Variants in VTI1A observed in about 807,000 individuals in gnomAD.
VTI1A encodes the protein vesicle transport through interaction with t-SNAREs homolog 1A.
Under a neutral mutation model 34.9 loss-of-function variants are expected in VTI1A, and 22 were observed. The ratio of observed to expected loss-of-function variants is 0.63; its 90% CI spans 0.45 to 0.90. The LOEUF is 0.90. Ranked by LOEUF, VTI1A falls within the 40% of genes least tolerant of loss-of-function variation. VTI1A has a pLI of 0.00. For synonymous variants in VTI1A, 87 were observed against 97.3 expected (o/e 0.89, Z 0.62); for missense variants, 268 against 275.6 (o/e 0.97, Z 0.20).
chr10:112,756,533 A>T (rs1851288513), intron 7 of VTI1A, among the ~76,000 whole-genome samples: 3 of 152,170 alleles, frequency 2.0e-5, no homozygotes, highest in African/African-American at 7.2e-5. Flanking sequence ...GTCTTTATTA[A>T]ACACCTACTA....
intron 4 of VTI1A, among the ~76,000 whole-genome samples, chr10:112,531,760 A>G (rs1236143057): frequency 6.6e-6 from 1 of 152,178 alleles, no homozygotes; most frequent in African/African-American, 2.4e-5. Context: ...CCCCAGAAAG[A>G]AAAGATCGCT....
At chr10:112,482,650 C>T (rs908184082) in intron 3 of VTI1A, among the ~76,000 whole-genome samples, 4 of 152,092 alleles carry the variant, frequency 2.6e-5, no homozygotes, top group Non-Finnish European at 5.9e-5. Flanking sequence ...AAAAGGCATT[C>T]TTTTTAACCC....
chr10:112,470,761 G>T (rs182419439), intron 3 of VTI1A, among the ~76,000 whole-genome samples: 2 of 151,930 alleles, frequency 1.3e-5, no homozygotes, highest in African/African-American at 4.8e-5. Flanking sequence ...GCATGGTGGC[G>T]CACACTTGTA....
At chr10:112,478,531 C>T (rs1448895245) in intron 3 of VTI1A, among the ~76,000 whole-genome samples, 2 of 152,120 alleles carry the variant, frequency 1.3e-5, no homozygotes, top group Admixed American at 6.5e-5. Context: ...TGCTTCAGAG[C>T]GCTAACTGTG....
intron 3 of VTI1A, among the ~76,000 whole-genome samples, chr10:112,526,664 G>A (rs1395190893): frequency 1.3e-5 from 2 of 151,754 alleles, no homozygotes; most frequent in African/African-American, 4.8e-5. Context: ...CTTTTAAAGT[G>A]CTAAATTGAA....
chr10:112,649,131 TG>T (rs1183706671), intron 5 of VTI1A, among the ~76,000 whole-genome samples: 6 of 152,020 alleles, frequency 3.9e-5, no homozygotes, highest in Non-Finnish European at 8.8e-5. Flanking sequence ...AGGAGTGCAC[TG>T]GGGTCAGGGC....
At chr10:112,452,669 A>G (rs370522879) in intron 1 of VTI1A, among the ~76,000 whole-genome samples, 2 of 148,508 alleles carry the variant, frequency 1.3e-5, no homozygotes, top group African/African-American at 2.5e-5. Context: ...ATAGATCTAT[A>G]TATCTGTATG....
At chr10:112,745,142 A>G (rs1439579285) in intron 7 of VTI1A, among the ~76,000 whole-genome samples, 1 of 151,788 alleles carries the variant, frequency 6.6e-6, no homozygotes, top group Admixed American at 6.6e-5. Flanking sequence ...ATCCCTGGCC[A>G]TTTCTTCACC....
In VTI1A at chr10:112,636,522, G is replaced by A. The variant is rs11196028; in HGVS notation, c.428-31696G>A. ...GGATGGATCACAAGGTCAAGAGATC[G>A]AGACCATCCTGGCCAACATGGTGAA... On this transcript the variant is annotated intron_variant, in intron 5 of 7. Coordinates refer to ENST00000393077, the MANE Select transcript of VTI1A (RefSeq NM_145206.4). 5.4e-3 allele frequency among the ~76,000 whole-genome samples: 824 copies of A among 151,872 alleles called. 1 individual carries two copies. The highest frequency in any genetic ancestry group is 7.6e-3 in the Non-Finnish European group (519 of 67,950).
chr10:112,561,000 T>C (rs1193764042), intron 5 of VTI1A, among the ~76,000 whole-genome samples: 1 of 152,224 alleles, frequency 6.6e-6, no homozygotes, highest in Non-Finnish European at 1.5e-5. Context: ...TGTGGTTTTA[T>C]GACATTTTAG....
Position 112,464,643 on chromosome 10 carries a change from C to G in VTI1A, c.250C>G (p.Leu84Val). Residue 84 changes from leucine to valine, a missense_variant, in exon 3 of 8, where the codon CTC becomes GTC. By Grantham distance (32) the Leu-to-Val change is conservative. Transcript: ENST00000393077. Reference protein sequence around the residue: ...MRSYKQEMGKLETDFKRSRIA... With the variant: ...MRSYKQEMGKVETDFKRSRIA... ...AAGCTACAAACAAGAAATGGGAAAACTCGAAACAGATTTTGTGAGTCAAAT... is the reference window on the plus strand; with the variant it reads ...AAGCTACAAACAAGAAATGGGAAAAGTCGAAACAGATTTTGTGAGTCAAAT... 6.2e-7 allele frequency: 1 copy of G among 1,611,174 alleles called. No homozygotes were observed. The highest frequency in any genetic ancestry group is 8.5e-7 in the Non-Finnish European group (1 of 1,178,308).
chr10:112,840,859 A>G, the VTI1A span, among the ~76,000 whole-genome samples: 18 of 152,320 alleles, frequency 1.2e-4, no homozygotes, highest in African/African-American at 4.1e-4. Context: ...CCTGGGTTCA[A>G]ATCCCAACCC....
chr10:112,779,340 T>C (rs958206377), intron 7 of VTI1A, among the ~76,000 whole-genome samples: 1 of 152,198 alleles, frequency 6.6e-6, no homozygotes, highest in Non-Finnish European at 1.5e-5. Flanking sequence ...TGTAAAACAG[T>C]GGCTGCCAGC....
chr10:112,610,229 T>A (rs1845245285), intron 5 of VTI1A, among the ~76,000 whole-genome samples: 1 of 151,776 alleles, frequency 6.6e-6, no homozygotes, highest in African/African-American at 2.4e-5. Flanking sequence ...GACCACACTG[T>A]GGCAAAGCCT....
chr10:112,748,820 G>A (rs974234939), intron 7 of VTI1A, among the ~76,000 whole-genome samples: 9 of 151,416 alleles, frequency 5.9e-5, no homozygotes, highest in East Asian at 5.9e-4. Flanking sequence ...TAGTAGAGAC[G>A]GGGTTTCACC....
At chr10:112,729,929 T>TC (rs1850188464) in intron 7 of VTI1A, among the ~76,000 whole-genome samples, 1 of 152,158 alleles carries the variant, frequency 6.6e-6, no homozygotes, top group South Asian at 2.1e-4. Context: ...AACCTGATAC[T>TC]CCCCAGAAAG....
the VTI1A span, chr10:112,826,767 C>T: frequency 6.6e-6 from 1 of 152,166 alleles, no homozygotes; most frequent in Admixed American, 6.5e-5. Flanking sequence ...TCTAAGCCAC[C>T]CTCATGGAGG....
At chr10:112,593,910 T>TA (rs1210484098) in intron 5 of VTI1A, among the ~76,000 whole-genome samples, 18 of 97,802 alleles carry the variant, frequency 1.8e-4, no homozygotes, top group Non-Finnish European at 3.5e-4. Flanking sequence ...CTAATTTTTT[T>TA]TTTATTATTA....
chr10:112,582,228 CTCT>C (rs1843976223), intron 5 of VTI1A, among the ~76,000 whole-genome samples: 1 of 152,144 alleles, frequency 6.6e-6, no homozygotes, highest in Admixed American at 6.5e-5. Context: ...TCTCTCCTGT[CTCT>C]TCTTATGCGG....
Sources: gnomAD v4.1 joint callset for allele counts (sites outside exome capture counted in the v4.1 genomes callset) on GRCh38, gnomAD v4.1.1 for gene constraint, MANE v1.5 for transcripts, NCBI Gene and HGNC (gene_info 2026-07-23, HGNC 2026-07-21) for gene names.